Variants in EXOC6B observed in about 807,000 individuals in gnomAD.
EXOC6B encodes exocyst complex component 6B.
A neutral mutation model predicts 113.5 loss-of-function variants in EXOC6B; 54 were observed. That is an observed-to-expected ratio of 0.48 (90% CI 0.38 to 0.60). The LOEUF is 0.60. Ranked by LOEUF, EXOC6B falls within the 20% of genes least tolerant of loss-of-function variation. The pLI is 0.00. For missense variants in EXOC6B, 797 were observed against 977.5 expected, an observed-to-expected ratio of 0.82 and a Z score of 2.46; for synonymous variants, 357 against 339.0, an observed-to-expected ratio of 1.05 and a Z score of -0.58.
chr2:72,621,036 GCTTATACA>G (rs1671711558), intron 6 of EXOC6B, among the ~76,000 whole-genome samples: 1 of 152,128 alleles, frequency 6.6e-6, no homozygotes. Context: ...AAAAGGGAAC[GCTTATACA>G]CTGTTGGTGG....
chr2:72,575,419 CTCT>C (rs1704773135), intron 7 of EXOC6B, 70 bp downstream of exon 7: 2 of 1,371,882 alleles, frequency 1.5e-6, no homozygotes, highest in African/African-American at 3.0e-5. Context: ...TATGGATAAA[CTCT>C]TCATCACATC....
chr2:72,313,126 A>G (rs967679359), intron 20 of EXOC6B, among the ~76,000 whole-genome samples: 3 of 152,196 alleles, frequency 2.0e-5, no homozygotes, highest in Non-Finnish European at 4.4e-5. Context: ...AAAATCAATA[A>G]AGAACACCAT....
At chr2:72,501,646 C>A (rs1170968994) in intron 11 of EXOC6B, among the ~76,000 whole-genome samples, 2 of 151,154 alleles carry the variant, frequency 1.3e-5, no homozygotes, top group Admixed American at 6.6e-5. Flanking sequence ...ATTATCTTTT[C>A]ATGGTTAATA....
At chr2:72,598,070 A>G (rs1352552731) in intron 6 of EXOC6B, among the ~76,000 whole-genome samples, 2 of 151,994 alleles carry the variant, frequency 1.3e-5, no homozygotes, top group Non-Finnish European at 2.9e-5. Context: ...GCTAAACTGA[A>G]CAACTGGATC....
chr2:72,498,728 A>C (rs1241207500), intron 12 of EXOC6B, among the ~76,000 whole-genome samples, 177 bp from the exon 13 acceptor site: 1 of 151,928 alleles, frequency 6.6e-6, no homozygotes, highest in Non-Finnish European at 1.5e-5. Flanking sequence ...TCTAGCATTT[A>C]TCTCTCAAAA....
intron 20 of EXOC6B, among the ~76,000 whole-genome samples, chr2:72,280,959 C>A (rs1037376227): frequency 1.3e-5 from 2 of 151,856 alleles, no homozygotes; most frequent in African/African-American, 4.8e-5. Context: ...CTATAGAGGG[C>A]AAAGGGCAGA....
chr2:72,745,347 C>T (rs1364724118), intron 1 of EXOC6B, among the ~76,000 whole-genome samples: 3 of 152,034 alleles, frequency 2.0e-5, no homozygotes, highest in Admixed American at 1.3e-4. Context: ...CACTACTCTC[C>T]ATCTGTTACT....
At chr2:72,400,514 T>C (rs1188080159) in intron 18 of EXOC6B, among the ~76,000 whole-genome samples, 1 of 151,716 alleles carries the variant, frequency 6.6e-6, no homozygotes, top group Non-Finnish European at 1.5e-5. Context: ...AAATACAGAA[T>C]GGGAGAAAAT....
At chr2:72,649,535 G>GA (rs565713434) in intron 6 of EXOC6B, among the ~76,000 whole-genome samples, 2 of 148,994 alleles carry the variant, frequency 1.3e-5, no homozygotes, top group Admixed American at 6.7e-5. Context: ...AGCAGCAAAA[G>GA]AAAAAAATCT....
intron 1 of EXOC6B, among the ~76,000 whole-genome samples, chr2:72,781,230 A>T (rs1684018394): frequency 6.6e-6 from 1 of 152,180 alleles, no homozygotes; most frequent in Admixed American, 6.5e-5. Context: ...TCCTCTACAC[A>T]AGGTTTTCTC....
At chr2:72,367,782 G>A (rs1166169822) in intron 19 of EXOC6B, among the ~76,000 whole-genome samples, 1 of 152,140 alleles carries the variant, frequency 6.6e-6, no homozygotes, top group African/African-American at 2.4e-5. Flanking sequence ...GTGCTGCCCT[G>A]TCATAGTGGA....
intron 18 of EXOC6B, among the ~76,000 whole-genome samples, chr2:72,438,626 G>A (rs1454737340): frequency 6.6e-6 from 1 of 151,386 alleles, no homozygotes; most frequent in Non-Finnish European, 1.5e-5. Flanking sequence ...TATCTCTCGA[G>A]AAAAAAAACA....
chr2:72,526,013 T>C (rs926066658), intron 8 of EXOC6B, among the ~76,000 whole-genome samples: 5 of 152,146 alleles, frequency 3.3e-5, no homozygotes, highest in South Asian at 2.1e-4. Context: ...ATTATTCATA[T>C]ACCCAATTTC....
intron 5 of EXOC6B, among the ~76,000 whole-genome samples, chr2:72,729,448 T>C (rs779939546): frequency 6.7e-6 from 1 of 150,062 alleles, no homozygotes; most frequent in Non-Finnish European, 1.5e-5. Context: ...ATTCACTCTG[T>C]CACCCAGGCT....
Position 72,465,146 on chromosome 2 carries a change from C to A in EXOC6B, c.1980+14G>T, listed in dbSNP as rs1573184705. The A allele has an allele frequency of 8.1e-7, 1 of 1,234,940 alleles. No homozygotes were observed. Among genetic ancestry groups the A allele is most frequent in the African/African-American group, 1.7e-5 (1 of 60,458 alleles). 76.5% of individuals were successfully genotyped at this position (1,234,940 alleles called of 1,614,324 possible). A position where few individuals can be genotyped will look rare whatever the true frequency, so the allele number is the denominator to read the frequency against. On this transcript the variant is annotated intron_variant, in intron 18 of 21. Transcript: ENST00000272427. ...TTTTATATATAAAGGACAAAGTAAGCAACTGCCACTTACAGGAAGGTGTGT... is the reference window on the plus strand; with the variant it reads ...TTTTATATATAAAGGACAAAGTAAGAAACTGCCACTTACAGGAAGGTGTGT...
chr2:72,736,985 C>T (rs979982425), intron 2 of EXOC6B, among the ~76,000 whole-genome samples: 2 of 152,116 alleles, frequency 1.3e-5, no homozygotes, highest in Non-Finnish European at 2.9e-5. Context: ...CTGATCAGCG[C>T]ACAAAATTTA....
chr2:72,296,607 T>C (rs900378326), intron 20 of EXOC6B, among the ~76,000 whole-genome samples: 1 of 152,156 alleles, frequency 6.6e-6, no homozygotes, highest in Non-Finnish European at 1.5e-5. Flanking sequence ...AAAAGGGATG[T>C]ATACATAATA....
chr2:72,609,771 A>G (rs890525856), intron 6 of EXOC6B, among the ~76,000 whole-genome samples: 8 of 152,112 alleles, frequency 5.3e-5, no homozygotes, highest in Non-Finnish European at 1.0e-4. Flanking sequence ...AATAAACAAC[A>G]AGAAATATAA....
chr2:72,642,261 T>C (rs1295058416), intron 6 of EXOC6B, among the ~76,000 whole-genome samples: 3 of 148,100 alleles, frequency 2.0e-5, no homozygotes, highest in African/African-American at 7.5e-5. Context: ...TGGAAAAAAC[T>C]ACTTTAAAGT....
Sources: allele counts gnomAD v4.1 joint callset (sites outside exome capture counted in the v4.1 genomes callset), GRCh38; gene constraint gnomAD v4.1.1; transcripts MANE v1.5; gene names NCBI Gene and HGNC (gene_info 2026-07-23, HGNC 2026-07-21).